DHX35: variants seen among roughly 807,000 people sequenced by gnomAD.
DHX35 encodes DEAH-box helicase 35.
Under a neutral mutation model 99.6 loss-of-function variants are expected in DHX35, and 84 were observed. The observed-to-expected ratio is 0.84, with a 90% CI of 0.71 to 1.01. The LOEUF (loss-of-function observed/expected upper bound fraction) is 1.01. Ranked by LOEUF, DHX35 falls within the 50% of genes least tolerant of loss-of-function variation. The probability of loss-of-function intolerance (pLI) is 0.00; values close to 1 mark genes in which losing one functional copy is unlikely to be tolerated. For synonymous variants in DHX35, 331 were observed against 316.2 expected (o/e 1.05, Z -0.50); for missense variants, 852 against 888.5 (o/e 0.96, Z 0.52).
At chr20:39,035,315 G>A (rs537456143) in intron 21 of DHX35, among the ~76,000 whole-genome samples, 2 of 150,112 alleles carry the variant, frequency 1.3e-5, no homozygotes, top group South Asian at 2.1e-4. Context: ...CTGGTGATCC[G>A]CCCGCCTTGG....
intron 8 of DHX35, among the ~76,000 whole-genome samples, chr20:39,000,513 CAT>C (rs1258760703): frequency 6.6e-6 from 1 of 152,192 alleles, no homozygotes; most frequent in Non-Finnish European, 1.5e-5. Context: ...CATAGCAAAA[CAT>C]AGTTTTGTTG....
At chr20:39,024,010 A>T (rs1246405351) in intron 17 of DHX35, among the ~76,000 whole-genome samples, 1 of 152,204 alleles carries the variant, frequency 6.6e-6, no homozygotes, top group Non-Finnish European at 1.5e-5. Flanking sequence ...GAGATATGGT[A>T]CACTAGTGGC....
chr20:39,002,117 T>C (rs2086530683), intron 9 of DHX35, among the ~76,000 whole-genome samples: 1 of 152,226 alleles, frequency 6.6e-6, no homozygotes, highest in Non-Finnish European at 1.5e-5. Context: ...GGAAGCTTGA[T>C]AGTTTTCAGA....
chr20:38,976,336 CTGTGTGTG>C (rs11472267), intron 3 of DHX35, among the ~76,000 whole-genome samples: 1 of 146,064 alleles, frequency 6.8e-6, no homozygotes, highest in Non-Finnish European at 1.5e-5. Flanking sequence ...AGAGAAGTGT[CTGTGTGTG>C]TGTGTGTGTG....
At chr20:39,012,644 C>T (rs993813392) in intron 13 of DHX35, among the ~76,000 whole-genome samples, 5 of 152,004 alleles carry the variant, frequency 3.3e-5, no homozygotes, top group Non-Finnish European at 7.4e-5. Flanking sequence ...ATTCTCGTAT[C>T]TCAGCCTCCC....
intron 10 of DHX35, 124 bp from the exon 11 acceptor site, chr20:39,003,625 C>CT: frequency 8.8e-7 from 1 of 1,134,286 alleles, no homozygotes; most frequent in Non-Finnish European, 1.3e-6. Flanking sequence ...CATGACGGCA[C>CT]TGAAATTCTT....
At chr20:38,972,048 G>A (rs1301606479) in intron 2 of DHX35, among the ~76,000 whole-genome samples, 1 of 111,834 alleles carries the variant, frequency 8.9e-6, no homozygotes, top group Non-Finnish European at 1.7e-5. Context: ...TCACCCTGTT[G>A]CTCAGGCTGA....
At chr20:39,032,220 G>A (rs935121992) in intron 20 of DHX35, among the ~76,000 whole-genome samples, 3 of 152,178 alleles carry the variant, frequency 2.0e-5, no homozygotes, top group African/African-American at 7.2e-5. Context: ...GTCTCAATCT[G>A]TTGCCCAGTG....
chr20:38,964,390 A>C (rs2085879622), intron 1 of DHX35, among the ~76,000 whole-genome samples: 1 of 152,050 alleles, frequency 6.6e-6, no homozygotes, highest in South Asian at 2.1e-4. Context: ...AAAGGTCTTC[A>C]TGACAAGTTA....
chr20:39,024,201 C>G (rs1467355762), intron 17 of DHX35, among the ~76,000 whole-genome samples: 2 of 152,212 alleles, frequency 1.3e-5, no homozygotes, highest in Admixed American at 6.5e-5. Flanking sequence ...TAGTTGAGAT[C>G]TGTGCATATT....
At chr20:38,972,950 T>TAA (rs1166150201) in intron 3 of DHX35, among the ~76,000 whole-genome samples, 1 of 152,238 alleles carries the variant, frequency 6.6e-6, no homozygotes, top group African/African-American at 2.4e-5. Flanking sequence ...CTTAAATAGT[T>TAA]ACAGTTGAAG....
chr20:39,000,760 T>G (rs1218434844), intron 8 of DHX35, among the ~76,000 whole-genome samples: 1 of 152,162 alleles, frequency 6.6e-6, no homozygotes, highest in Non-Finnish European at 1.5e-5. Flanking sequence ...TTTGTAGTTA[T>G]GTAGCCAGGC....
intron 13 of DHX35, among the ~76,000 whole-genome samples, chr20:39,011,278 A>T (rs1721071670): frequency 6.6e-6 from 1 of 151,468 alleles, no homozygotes; most frequent in Admixed American, 6.6e-5. Context: ...ATGTGTGGAC[A>T]TTCTAAACAT....
chr20:39,010,163 G>A, intron 12 of DHX35, 117 bp from the exon 13 acceptor site: 1 of 1,390,682 alleles, frequency 7.2e-7, no homozygotes, highest in Non-Finnish European at 1.0e-6. Flanking sequence ...ATGTGCATCT[G>A]CTTCTAGAAT....
Position 39,021,915 on chromosome 20 carries a change from C to G in DHX35, c.1573C>G (p.Pro525Ala), listed in dbSNP as rs577076400. Residue 525 changes from proline to alanine, a missense_variant, in exon 16 of 22, where the codon CCA becomes GCA. Physicochemically the swap from Pro to Ala is conservative, Grantham distance 27. Coordinates refer to ENST00000252011, the MANE Select transcript of DHX35 (RefSeq NM_021931.4). ...MQIQNIFVVP[P>A]NQKSHAIRVH... ...GATCCAGAATATCTTTGTGGTCCCC[C>G]CAAACCAGAAGTCTCACGCAGTAAG... 8.7e-6 allele frequency: 14 copies of G among 1,614,118 alleles called. No homozygotes were observed. The highest frequency in any genetic ancestry group is 2.2e-5 in the East Asian group (1 of 44,876).
intron 8 of DHX35, among the ~76,000 whole-genome samples, chr20:38,996,880 G>C (rs2086437887): frequency 6.6e-6 from 1 of 151,820 alleles, no homozygotes; most frequent in Non-Finnish European, 1.5e-5. Context: ...CTATTTTGTG[G>C]ACTGTGGCTG....
intron 15 of DHX35, among the ~76,000 whole-genome samples, chr20:39,019,696 C>T (rs1422400677): frequency 6.6e-6 from 1 of 152,206 alleles, no homozygotes; most frequent in African/African-American, 2.4e-5. Context: ...ACCAACTTAT[C>T]ATTTTTTTTG....
At chr20:38,976,139 T>C (rs754752411) in intron 3 of DHX35, among the ~76,000 whole-genome samples, 6 of 152,182 alleles carry the variant, frequency 3.9e-5, no homozygotes, top group Admixed American at 3.9e-4. Flanking sequence ...TTTTTTTTCT[T>C]TTAATTTTAA....
At chr20:38,978,758 TC>T (rs2086122028) in intron 3 of DHX35, among the ~76,000 whole-genome samples, 1 of 152,228 alleles carries the variant, frequency 6.6e-6, no homozygotes, top group South Asian at 2.1e-4. Flanking sequence ...ATCCAAAAAA[TC>T]CTTGCCCAGA....
Sources: allele counts gnomAD v4.1 joint callset (sites outside exome capture counted in the v4.1 genomes callset), GRCh38; gene constraint gnomAD v4.1.1; transcripts MANE v1.5; gene names NCBI Gene and HGNC (gene_info 2026-07-23, HGNC 2026-07-21).